The following SACM1L variants were observed in gnomAD, a reference collection of about 807,000 sequenced individuals.
The protein encoded by SACM1L is SAC1 like phosphatidylinositide phosphatase.
SACM1L carries 32 observed loss-of-function variants against 89.5 expected under a neutral mutation model. That is an observed-to-expected ratio of 0.36 (90% confidence interval 0.27 to 0.48). The LOEUF (loss-of-function observed/expected upper bound fraction) is 0.48, where lower values mean the gene tolerates loss of function less well. Ranked by LOEUF, SACM1L falls within the 20% of genes least tolerant of loss-of-function variation. The pLI, the probability that SACM1L is intolerant of heterozygous loss-of-function variation, is 0.99. For synonymous variants in SACM1L, 213 were observed against 232.8 expected (o/e 0.92, Z 0.77); for missense variants, 543 against 708.5 (o/e 0.77, Z 2.65).
chr3:45,692,316 GT>G (rs141224972), intron 1 of SACM1L, among the ~76,000 whole-genome samples: 10,460 of 148,048 alleles, frequency 0.071, 400 homozygotes, highest in African/African-American at 0.11. Flanking sequence ...TTGAAAGAGA[GT>G]TTTTTTTTTT....
intron 19 of SACM1L, chr3:45,739,907 CTCAG>C: frequency 2.0e-6 from 1 of 502,922 alleles, no homozygotes. Context: ...TGAGACAGGT[CTCAG>C]TCAGTTTAGA....
intron 1 of SACM1L, among the ~76,000 whole-genome samples, chr3:45,694,675 T>A (rs1698081597): frequency 6.6e-6 from 1 of 152,212 alleles, no homozygotes; most frequent in African/African-American, 2.4e-5. Flanking sequence ...TGAAAATCTC[T>A]GGGGATGAGC....
chr3:45,733,814 G>A (rs969863941), intron 13 of SACM1L, among the ~76,000 whole-genome samples: 1 of 152,186 alleles, frequency 6.6e-6, no homozygotes, highest in African/African-American at 2.4e-5. Context: ...TTTTGTGGAT[G>A]AAAAAGCTTA....
Position 45,712,740 on chromosome 3 carries a change from C to T in SACM1L, c.484-397C>T, listed in dbSNP as rs150865791. 2.6e-3 allele frequency among the ~76,000 whole-genome samples: 392 copies of T among 152,212 alleles called. 12 individuals carry two copies. In the East Asian group the frequency reaches 0.046, roughly 18 times the overall value. On this transcript the variant is annotated intron_variant, in intron 5 of 19. Coordinates refer to ENST00000389061, the MANE Select transcript of SACM1L (RefSeq NM_014016.5). Reference sequence around the variant, plus strand: ...AGGAGACAGGACATGTTAGAGAACTCCTGCTGGTAGCATTGTGGAAAAATG... The same window carrying T: ...AGGAGACAGGACATGTTAGAGAACTTCTGCTGGTAGCATTGTGGAAAAATG...
chr3:45,706,974 T>C lies in SACM1L; in HGVS notation c.333+67T>C, dbSNP rs1420682224. ...GTAGCATGGGCTGGGGAGAGGAGGG[T>C]GAGGGTGTTGTGGAATACAAAGAAT... On this transcript the variant is annotated intron_variant, in intron 4 of 19. Coordinates refer to ENST00000389061, the MANE Select transcript of SACM1L (RefSeq NM_014016.5). 4.0e-6 allele frequency: 6 copies of C among 1,492,826 alleles called. No homozygotes were observed. The East Asian group carries it at 1.4e-4, about 34-fold the overall frequency. The allele number at this position is 1,492,826 out of a possible 1,614,324, so 92.5% of individuals were successfully genotyped here.
At chr3:45,722,529 G>C (rs1461520694) in intron 9 of SACM1L, among the ~76,000 whole-genome samples, 2 of 152,050 alleles carry the variant, frequency 1.3e-5, no homozygotes, top group African/African-American at 4.8e-5. Context: ...ATATTCATTT[G>C]AAAATGAATA....
intron 13 of SACM1L, among the ~76,000 whole-genome samples, chr3:45,733,074 C>T (rs1699116256): frequency 6.6e-6 from 1 of 152,196 alleles, no homozygotes; most frequent in South Asian, 2.1e-4. Flanking sequence ...AAAACATTGG[C>T]TGGCCCTGGC....
At position 45,732,048 on chromosome 3, in the gene SACM1L, G is replaced by T; in HGVS notation, c.1002-5G>T. ...TCGGTTTCTGAATATCTTTTCTTTT[G>T]GTAGATACATTGCCTTTGACTTCCA... On this transcript the variant is annotated splice_polypyrimidine_tract_variant and splice_region_variant and intron_variant, in intron 12 of 19. Transcript: ENST00000389061. 6.5e-7 allele frequency: 1 copy of T among 1,526,972 alleles called. No homozygotes were observed. The highest frequency in any genetic ancestry group is 8.9e-7 in the Non-Finnish European group (1 of 1,124,236). The allele number at this position is 1,526,972 out of a possible 1,614,324, so 94.6% of individuals were successfully genotyped here. A position where few individuals can be genotyped will look rare whatever the true frequency, so the allele number is the denominator to read the frequency against.
rs1575416826 is a variant in SACM1L at position 45,744,847 on chromosome 3, T to A, written c.*1178T>A. On this transcript the variant is annotated 3_prime_UTR_variant, in exon 20 of 20. Coordinates refer to ENST00000389061, the MANE Select transcript of SACM1L (RefSeq NM_014016.5). Reference sequence around the variant, plus strand: ...TAAGGTAGTATAATTACCACTATTTTAAATAATTCAGTTAAACACTGCTGC... The same window carrying A: ...TAAGGTAGTATAATTACCACTATTTAAAATAATTCAGTTAAACACTGCTGC... 1 of 151,828 alleles carries A rather than the reference T, an allele frequency of 6.6e-6. No individual in the cohort carries two copies. Among genetic ancestry groups the A allele is most frequent in the Non-Finnish European group, 1.5e-5 (1 of 67,792 alleles). 9.4% of individuals were successfully genotyped at this position (151,828 alleles called of 1,614,324 possible).
At position 45,733,508 on chromosome 3, in the gene SACM1L, T is replaced by C. The variant is rs111740254; in HGVS notation, c.1100+1357T>C. Among the ~76,000 whole-genome samples the C allele has an allele frequency of 4.6e-3, 703 of 152,268 alleles. 5 individuals are homozygous for C. Among genetic ancestry groups the C allele is most frequent in the African/African-American group, 0.016 (664 of 41,554 alleles). ...ACACACCCTTGCACACACATATATA[T>C]GTACACCAACTCTAAACGAACCTTA... On this transcript the variant is annotated intron_variant, in intron 13 of 19. Transcript: ENST00000389061.
chr3:45,743,194 C>T (rs1474836191), intron 19 of SACM1L, among the ~76,000 whole-genome samples: 2 of 152,104 alleles, frequency 1.3e-5, no homozygotes, highest in East Asian at 3.8e-4. Context: ...TAAAAGTGAT[C>T]ATTATTATTT....
At chr3:45,698,165 A>G (rs1430534146) in intron 1 of SACM1L, among the ~76,000 whole-genome samples, 1 of 152,248 alleles carries the variant, frequency 6.6e-6, no homozygotes, top group African/African-American at 2.4e-5. Flanking sequence ...TTATTACATA[A>G]AACAATTATG....
chr3:45,725,949 G>A (rs1002803969), intron 11 of SACM1L, among the ~76,000 whole-genome samples: 1 of 151,976 alleles, frequency 6.6e-6, no homozygotes, highest in Non-Finnish European at 1.5e-5. Context: ...TGTATCAATC[G>A]AGATGCTCGT....
chr3:45,708,296 G>C (rs1472437148), intron 4 of SACM1L, among the ~76,000 whole-genome samples: 1 of 152,064 alleles, frequency 6.6e-6, no homozygotes, highest in Non-Finnish European at 1.5e-5. Context: ...GCATTGCCCT[G>C]TTCTGATTCT....
intron 19 of SACM1L, among the ~76,000 whole-genome samples, chr3:45,741,755 G>T (rs1271673185): frequency 6.6e-6 from 1 of 152,194 alleles, no homozygotes; most frequent in Non-Finnish European, 1.5e-5. Context: ...GAGCCAGGTA[G>T]TAAATATTTT....
rs1575416354 is a variant in SACM1L at position 45,743,977 on chromosome 3, G to C, written c.*308G>C. 1 of 209,558 alleles carries C rather than the reference G, an allele frequency of 4.8e-6. No individual in the cohort carries two copies. Among genetic ancestry groups the C allele is most frequent in the East Asian group, 1.1e-4 (1 of 9,146 alleles). 13.0% of individuals were successfully genotyped at this position (209,558 alleles called of 1,614,324 possible). A position where few individuals can be genotyped will look rare whatever the true frequency, so the allele number is the denominator to read the frequency against. On this transcript the variant is annotated 3_prime_UTR_variant, in exon 20 of 20. Transcript: ENST00000389061. The stretch of plus-strand genomic sequence containing the variant: ...CTATTGATTGTCAATTTAATTAGCT[G>C]TTGCAGAATAAGTAATATATTTTAA...
chr3:45,699,607 C>T (rs966705918), intron 1 of SACM1L, among the ~76,000 whole-genome samples: 9 of 152,072 alleles, frequency 5.9e-5, no homozygotes, highest in African/African-American at 1.4e-4. Flanking sequence ...GGCTCACTGC[C>T]ACCTCCATCT....
Position 45,707,964 on chromosome 3 carries a change from A to G in SACM1L, c.333+1057A>G, listed in dbSNP as rs1035112013. Reference sequence around the variant, plus strand: ...TTTAAATTATAGTGTGCTAAATATTAGTTTTACAATTTGTTCATTTATGCT... The same window carrying G: ...TTTAAATTATAGTGTGCTAAATATTGGTTTTACAATTTGTTCATTTATGCT... On this transcript the variant is annotated intron_variant, in intron 4 of 19. Transcript: ENST00000389061. Among the ~76,000 whole-genome samples the G allele has an allele frequency of 2.0e-5, 3 of 152,134 alleles. No homozygotes were observed. In the East Asian group the frequency reaches 5.8e-4, roughly 29 times the overall value.
chr3:45,716,595 A>G (rs1698669790), intron 7 of SACM1L, among the ~76,000 whole-genome samples: 1 of 152,118 alleles, frequency 6.6e-6, no homozygotes, highest in Non-Finnish European at 1.5e-5. Flanking sequence ...CTACCACTGT[A>G]GAAGGGAAGC....
Sources: allele counts gnomAD v4.1 joint callset (sites outside exome capture counted in the v4.1 genomes callset), GRCh38; gene constraint gnomAD v4.1.1; transcripts MANE v1.5; gene names NCBI Gene and HGNC (gene_info 2026-07-23, HGNC 2026-07-21).